Variants in PTPRM observed in about 807,000 individuals in gnomAD.
PTPRM encodes the protein receptor-type tyrosine-protein phosphatase mu.
A neutral mutation model predicts 186.7 loss-of-function variants in PTPRM; 47 were observed. The ratio of observed to expected loss-of-function variants is 0.25; its 90% CI spans 0.20 to 0.32. The LOEUF (loss-of-function observed/expected upper bound fraction) is 0.32. Ranked by LOEUF, PTPRM falls within the 10% of genes least tolerant of loss-of-function variation. PTPRM has a pLI of 1.00. For missense variants in PTPRM, 1,494 were observed against 1,865.0 expected, an observed-to-expected ratio of 0.80 and a Z score of 3.66; for synonymous variants, 668 against 674.9, an observed-to-expected ratio of 0.99 and a Z score of 0.16.
chr18:7,792,455 G>A (rs1433624992), intron 2 of PTPRM, among the ~76,000 whole-genome samples: 2 of 152,056 alleles, frequency 1.3e-5, no homozygotes, highest in Non-Finnish European at 2.9e-5. Flanking sequence ...GGTTTTGCCT[G>A]TTTTCTCCTG....
rs372467127 is a variant in PTPRM, at chr18:8,165,710, A to G, written c.2300+21931A>G. On this transcript the variant is annotated intron_variant, in intron 14 of 32. Coordinates refer to ENST00000580170, the MANE Select transcript of PTPRM (RefSeq NM_001105244.2). ...AGGCCAGTCGCTTCCATGGCTATCAATTTTTGATCTTCTTTACTAGTAACA... is the reference window on the plus strand; with the variant it reads ...AGGCCAGTCGCTTCCATGGCTATCAGTTTTTGATCTTCTTTACTAGTAACA... 1.2e-4 allele frequency among the ~76,000 whole-genome samples: 18 copies of G among 152,298 alleles called. No individual in the cohort carries two copies. The South Asian group carries it at 3.3e-3, about 28-fold the overall frequency.
chr18:8,358,553 T>C (rs2095577553), intron 23 of PTPRM, among the ~76,000 whole-genome samples: 1 of 152,196 alleles, frequency 6.6e-6, no homozygotes, highest in Non-Finnish European at 1.5e-5. Context: ...CTGGTTCTGC[T>C]CCCTGGTATG....
Position 7,977,826 on chromosome 18 carries a change from T to G in PTPRM, c.1132+22412T>G, listed in dbSNP as rs555072404. On this transcript the variant is annotated intron_variant, in intron 7 of 32. Coordinates refer to ENST00000580170, the MANE Select transcript of PTPRM (RefSeq NM_001105244.2). The stretch of plus-strand genomic sequence containing the variant: ...CTATGTCTCTGGCCCAGGAGTCTCC[T>G]GTCTTCTGCCAGCATCCATGAAACA... Among the ~76,000 whole-genome samples, 209 of 152,324 alleles carry G rather than the reference T, an allele frequency of 1.4e-3. No homozygotes were observed. The South Asian group carries it at 0.019, about 14-fold the overall frequency.
At chr18:7,723,058 C>T (rs1266678119) in intron 1 of PTPRM, among the ~76,000 whole-genome samples, 3 of 152,134 alleles carry the variant, frequency 2.0e-5, no homozygotes, top group African/African-American at 7.2e-5. Flanking sequence ...GTTTGAAGAC[C>T]GCCTTTCTAA....
chr18:7,648,132 G>A (rs2038608464), intron 1 of PTPRM, among the ~76,000 whole-genome samples: 2 of 151,850 alleles, frequency 1.3e-5, no homozygotes, highest in Admixed American at 1.3e-4. Flanking sequence ...CATTAGTATT[G>A]TATCTGTTAC....
At chr18:8,338,381 A>AAAAC (rs1598357090) in intron 22 of PTPRM, among the ~76,000 whole-genome samples, 1 of 150,572 alleles carries the variant, frequency 6.6e-6, no homozygotes, top group African/African-American at 2.4e-5. Flanking sequence ...TTAAAAAAAA[A>AAAAC]ACACCTTTAA....
At chr18:7,763,968 A>G (rs1293212427) in intron 1 of PTPRM, among the ~76,000 whole-genome samples, 1 of 151,016 alleles carries the variant, frequency 6.6e-6, no homozygotes, top group East Asian at 1.9e-4. Flanking sequence ...TTTTTTAATT[A>G]ATTTCCTGGG....
intron 19 of PTPRM, among the ~76,000 whole-genome samples, chr18:8,290,843 A>G (rs2095034820): frequency 6.6e-6 from 1 of 152,232 alleles, no homozygotes; most frequent in Non-Finnish European, 1.5e-5. Flanking sequence ...ATTCTAACAG[A>G]AGGTGCAGTG....
intron 14 of PTPRM, among the ~76,000 whole-genome samples, chr18:8,146,698 T>G (rs2092895271): frequency 6.6e-6 from 1 of 152,194 alleles, no homozygotes; most frequent in African/African-American, 2.4e-5. Context: ...TGCCATTGCT[T>G]TTGGTGTTTT....
chr18:7,567,997 C>A lies in PTPRM; in HGVS notation c.73+106C>A. The A allele has an allele frequency of 8.9e-7, 1 of 1,119,854 alleles. No individual in the cohort carries two copies. The highest frequency in any genetic ancestry group is 4.2e-5 in the Admixed American group (1 of 23,676). The allele number at this position is 1,119,854 out of a possible 1,614,324, so 69.4% of individuals were successfully genotyped here. On this transcript the variant is annotated intron_variant, in intron 1 of 32. Coordinates refer to ENST00000580170, the MANE Select transcript of PTPRM (RefSeq NM_001105244.2). This position sits in a 1 kb window ranked among gnomAD's most constrained non-coding sequence, Gnocchi z 4.3. Reference sequence around the variant, plus strand: ...AGAGCCCTAAGGCTGGCGTCGGGGCCGGGCGGGGGGCGCGGCGGGCCGGAC... The same window carrying A: ...AGAGCCCTAAGGCTGGCGTCGGGGCAGGGCGGGGGGCGCGGCGGGCCGGAC...
intron 4 of PTPRM, among the ~76,000 whole-genome samples, chr18:7,911,131 G>A (rs1288287592): frequency 2.0e-5 from 3 of 152,134 alleles, no homozygotes; most frequent in Non-Finnish European, 4.4e-5. Context: ...AAACCAAATA[G>A]TATTTTATTC....
intron 7 of PTPRM, among the ~76,000 whole-genome samples, chr18:8,068,492 A>T (rs2089245709): frequency 1.3e-5 from 2 of 152,312 alleles, no homozygotes; most frequent in Admixed American, 1.3e-4. Context: ...TTCTCTGCAT[A>T]TATTTTGTTT....
At chr18:7,791,487 C>T (rs2043342502) in intron 2 of PTPRM, among the ~76,000 whole-genome samples, 1 of 152,148 alleles carries the variant, frequency 6.6e-6, no homozygotes, top group Non-Finnish European at 1.5e-5. Flanking sequence ...AAGGACTCTG[C>T]ATCTTCAACA....
At chr18:8,101,216 C>T (rs1480343909) in intron 11 of PTPRM, among the ~76,000 whole-genome samples, 2 of 152,100 alleles carry the variant, frequency 1.3e-5, no homozygotes, top group Non-Finnish European at 2.9e-5. Context: ...TTCTTATTTG[C>T]CAAGATTTAT....
chr18:7,662,098 A>G (rs74610085), intron 1 of PTPRM, among the ~76,000 whole-genome samples: 1 of 144,378 alleles, frequency 6.9e-6, no homozygotes, highest in African/African-American at 2.8e-5. Context: ...GCCTGGCTAA[A>G]TTTTTTTTTG....
intron 14 of PTPRM, among the ~76,000 whole-genome samples, chr18:8,172,152 A>G (rs1257604096): frequency 3.3e-5 from 5 of 152,150 alleles, no homozygotes; most frequent in African/African-American, 7.2e-5. Flanking sequence ...AAGAGGTTTA[A>G]TGGACTCACA....
chr18:7,747,749 A>G (rs1280847787), intron 1 of PTPRM: 1 of 152,166 alleles, frequency 6.6e-6, no homozygotes, highest in African/African-American at 2.4e-5. Context: ...TTATGTCCTC[A>G]TCTCAACGAA....
At chr18:8,081,403 AG>A (rs2145197872) in intron 9 of PTPRM, among the ~76,000 whole-genome samples, 1 of 152,330 alleles carries the variant, frequency 6.6e-6, no homozygotes, top group East Asian at 1.9e-4. Context: ...TTTTTTACAG[AG>A]GCTTCATTAC....
At chr18:8,035,247 T>C (rs1200256724) in intron 7 of PTPRM, among the ~76,000 whole-genome samples, 1 of 152,232 alleles carries the variant, frequency 6.6e-6, no homozygotes, top group Non-Finnish European at 1.5e-5. Context: ...CTTCAAAATT[T>C]GGCTTGGAAA....
Sources: allele counts gnomAD v4.1 joint callset (sites outside exome capture counted in the v4.1 genomes callset), GRCh38; gene constraint gnomAD v4.1.1; non-coding constraint Gnocchi (gnomAD v3.1); transcripts MANE v1.5; gene names NCBI Gene and HGNC (gene_info 2026-07-23, HGNC 2026-07-21).